Variants in SLC24A2 observed in about 807,000 individuals in gnomAD.
SLC24A2 encodes solute carrier family 24 member 2, also known as sodium/potassium/calcium exchanger 2.
SLC24A2 carries 36 observed loss-of-function variants against 62.0 expected under a neutral mutation model. That is an observed-to-expected ratio of 0.58 (90% CI 0.44 to 0.77). The LOEUF (loss-of-function observed/expected upper bound fraction) is 0.77, where lower values mean the gene tolerates loss of function less well. Among genes scored for constraint, SLC24A2 ranks in the 30% least tolerant of loss-of-function variants. The pLI, the probability that SLC24A2 is intolerant of heterozygous loss-of-function variation, is 0.00. For missense variants in SLC24A2, 846 were observed against 817.9 expected (o/e 1.03, Z -0.42); for synonymous variants, 358 against 294.0 (o/e 1.22, Z -2.23).
chr9:19,530,258 T>C (rs1414325226), intron 8 of SLC24A2, among the ~76,000 whole-genome samples: 1 of 152,122 alleles, frequency 6.6e-6, no homozygotes, highest in Non-Finnish European at 1.5e-5. Flanking sequence ...TCATCTTCCA[T>C]GGCTGTGCTC....
intron 2 of SLC24A2, among the ~76,000 whole-genome samples, chr9:19,709,179 G>A (rs1238539072): frequency 6.6e-6 from 1 of 152,012 alleles, no homozygotes; most frequent in African/African-American, 2.4e-5. Context: ...GGCCATCAGA[G>A]AAATGCAAAT....
At chr9:20,031,374 T>C in the SLC24A2 span, among the ~76,000 whole-genome samples, 1 of 144,960 alleles carries the variant, frequency 6.9e-6, no homozygotes, top group African/African-American at 2.5e-5. Flanking sequence ...TATATATATA[T>C]AATTTTTTTC....
chr9:19,734,076 T>C (rs1434087538), intron 2 of SLC24A2, among the ~76,000 whole-genome samples: 2 of 152,186 alleles, frequency 1.3e-5, no homozygotes, highest in Non-Finnish European at 2.9e-5. Context: ...CTTAACTACA[T>C]GCAGGGATGT....
At chr9:19,689,696 C>T (rs1392946613) in intron 2 of SLC24A2, among the ~76,000 whole-genome samples, 1 of 152,118 alleles carries the variant, frequency 6.6e-6, no homozygotes, top group African/African-American at 2.4e-5. Context: ...CTGATATTTT[C>T]TCCTGCCCAG....
chr9:20,254,009 G>A, the SLC24A2 span, among the ~76,000 whole-genome samples: 1 of 152,184 alleles, frequency 6.6e-6, no homozygotes, highest in Admixed American at 6.5e-5. Flanking sequence ...AGAGATAAAA[G>A]CAAAGAGAGA....
chr9:19,617,298 C>T (rs72702412), intron 4 of SLC24A2, among the ~76,000 whole-genome samples: 1,688 of 152,254 alleles, frequency 0.011, 20 homozygotes, highest in Non-Finnish European at 0.017. Context: ...TGCCTGCTGT[C>T]CTCCTGCTGG....
At chr9:19,867,535 T>G in the SLC24A2 span, among the ~76,000 whole-genome samples, 1 of 152,216 alleles carries the variant, frequency 6.6e-6, no homozygotes, top group Non-Finnish European at 1.5e-5. Flanking sequence ...GTCTCCTCTT[T>G]CATTCCTGAT....
the SLC24A2 span, among the ~76,000 whole-genome samples, chr9:19,999,991 G>A: frequency 3.3e-5 from 5 of 152,160 alleles, no homozygotes; most frequent in African/African-American, 1.2e-4. Context: ...TTCAGAGACT[G>A]CAGTCTTTGG....
the SLC24A2 span, among the ~76,000 whole-genome samples, chr9:20,133,816 A>G: frequency 6.6e-6 from 1 of 152,182 alleles, no homozygotes; most frequent in African/African-American, 2.4e-5. Flanking sequence ...CCTAAGATAT[A>G]GTGAAGAGAT....
At chr9:20,278,157 C>T in the SLC24A2 span, among the ~76,000 whole-genome samples, 1 of 152,088 alleles carries the variant, frequency 6.6e-6, no homozygotes, top group East Asian at 1.9e-4. Flanking sequence ...ATGGGTGCAG[C>T]ACACCAACAT....
At chr9:19,887,856 A>C in the SLC24A2 span, among the ~76,000 whole-genome samples, 1 of 152,244 alleles carries the variant, frequency 6.6e-6, no homozygotes, top group Non-Finnish European at 1.5e-5. Flanking sequence ...TGACTTTCAC[A>C]ACAACCTAGA....
At chr9:19,935,107 A>C in the SLC24A2 span, among the ~76,000 whole-genome samples, 1 of 151,822 alleles carries the variant, frequency 6.6e-6, no homozygotes, top group African/African-American at 2.4e-5. Context: ...GTCACGGGGC[A>C]GGATGGGTGG....
the SLC24A2 span, among the ~76,000 whole-genome samples, chr9:20,059,111 A>G: frequency 6.6e-6 from 1 of 152,194 alleles, no homozygotes; most frequent in South Asian, 2.1e-4. Flanking sequence ...ATTTGTAAAT[A>G]TCTTCCCTTA....
chr9:19,987,089 G>A, the SLC24A2 span, among the ~76,000 whole-genome samples: 1 of 152,128 alleles, frequency 6.6e-6, no homozygotes, highest in Non-Finnish European at 1.5e-5. Flanking sequence ...AGTAAAGGGT[G>A]ATGCTGAAAC....
the SLC24A2 span, among the ~76,000 whole-genome samples, chr9:20,195,139 T>C: frequency 1.3e-5 from 2 of 152,232 alleles, no homozygotes; most frequent in African/African-American, 2.4e-5. Context: ...TTCGCAGCTG[T>C]ATAGTTTTCA....
intron 2 of SLC24A2, among the ~76,000 whole-genome samples, chr9:19,774,266 C>T (rs1324780695): frequency 6.6e-6 from 1 of 152,114 alleles, no homozygotes; most frequent in African/African-American, 2.4e-5. Flanking sequence ...AAAATTCATA[C>T]CCTCCCTATG....
At chr9:20,100,213 G>C in the SLC24A2 span, among the ~76,000 whole-genome samples, 1 of 151,146 alleles carries the variant, frequency 6.6e-6, no homozygotes, top group African/African-American at 2.4e-5. Flanking sequence ...TGTTTTTTTT[G>C]TTTTTTTGTT....
At chr9:19,743,624 A>G (rs1001626981) in intron 2 of SLC24A2, among the ~76,000 whole-genome samples, 4 of 152,136 alleles carry the variant, frequency 2.6e-5, no homozygotes, top group Non-Finnish European at 4.4e-5. Context: ...ATTCTATAAT[A>G]TGTTCTTGTT....
chr9:20,200,099 A>G, the SLC24A2 span, among the ~76,000 whole-genome samples: 20,611 of 151,550 alleles, frequency 0.14, 1,548 homozygotes, highest in African/African-American at 0.21. Context: ...TTTCCTTACC[A>G]ACCATTTATA....
Sources: allele counts gnomAD v4.1 joint callset (sites outside exome capture counted in the v4.1 genomes callset), GRCh38; gene constraint gnomAD v4.1.1; transcripts MANE v1.5; gene names NCBI Gene and HGNC (gene_info 2026-07-23, HGNC 2026-07-21).